The following TTC6 variants were observed in gnomAD, a reference collection of about 807,000 sequenced individuals.
TTC6 encodes the protein tetratricopeptide repeat domain 6, also known as tetratricopeptide repeat protein 6.
TTC6 carries 172 observed loss-of-function variants against 210.4 expected under a neutral mutation model. The observed-to-expected ratio is 0.82, with a 90% CI of 0.72 to 0.93. TTC6 has a LOEUF of 0.93. Among genes scored for constraint, TTC6 ranks in the 40% least tolerant of loss-of-function variants. The pLI, the probability that TTC6 is intolerant of heterozygous loss-of-function variation, is 0.00. For synonymous variants in TTC6, 804 were observed against 819.6 expected, an observed-to-expected ratio of 0.98 and a Z score of 0.32; for missense variants, 2,414 against 2,318.1, an observed-to-expected ratio of 1.04 and a Z score of -0.85.
At chr14:37,740,162 C>G (rs201508453) in intron 10 of TTC6, among the ~76,000 whole-genome samples, 1 of 129,634 alleles carries the variant, frequency 7.7e-6, no homozygotes, top group African/African-American at 2.9e-5. Flanking sequence ...GACTCCGTCT[C>G]AAAAAAAAAA....
chr14:37,691,766 A>G (rs918381111), intron 3 of TTC6, among the ~76,000 whole-genome samples: 11 of 152,108 alleles, frequency 7.2e-5, no homozygotes, highest in Admixed American at 6.5e-4. Context: ...TGGTTTTTTG[A>G]AAAGCTAAAC....
At chr14:37,801,288 A>G (rs2096106018) in intron 20 of TTC6, among the ~76,000 whole-genome samples, 1 of 152,156 alleles carries the variant, frequency 6.6e-6, no homozygotes. Context: ...TTAAATGATG[A>G]AATTTTAGAT....
intron 4 of TTC6, among the ~76,000 whole-genome samples, chr14:37,697,438 C>G (rs1167526344): frequency 6.6e-6 from 1 of 152,096 alleles, no homozygotes; most frequent in Non-Finnish European, 1.5e-5. Context: ...CCTTATTTCA[C>G]CACTAAGTTT....
intron 26 of TTC6, among the ~76,000 whole-genome samples, chr14:37,820,070 T>G (rs2096151962): frequency 6.6e-6 from 1 of 152,238 alleles, no homozygotes; most frequent in Non-Finnish European, 1.5e-5. Flanking sequence ...TTCTGCCACA[T>G]TTTCCCATTG....
exon 11 of TTC6, chr14:37,749,073 T>C (rs1349225433): frequency 5.9e-6 from 9 of 1,535,624 alleles, no homozygotes; most frequent in Non-Finnish European, 7.8e-6. Context: ...AAGGGAGGAA[T>C]TCCAGAAAAT....
chr14:37,652,228 G>A (rs1285844557), intron 1 of TTC6, among the ~76,000 whole-genome samples: 1 of 151,832 alleles, frequency 6.6e-6, no homozygotes, highest in Non-Finnish European at 1.5e-5. Context: ...TGTTTTTATA[G>A]GTAAAAAATG....
At chr14:37,770,899 C>T (rs1307800706) in intron 14 of TTC6, among the ~76,000 whole-genome samples, 13 of 148,448 alleles carry the variant, frequency 8.8e-5, no homozygotes, top group East Asian at 6.0e-4. Flanking sequence ...TTCCTAGTCT[C>T]GATGGTCTTT....
chr14:37,689,853 A>C (rs1039551692), intron 3 of TTC6, among the ~76,000 whole-genome samples: 1 of 152,090 alleles, frequency 6.6e-6, no homozygotes, highest in African/African-American at 2.4e-5. Context: ...AAGCATGATA[A>C]TGAGGAATAA....
chr14:37,634,075 C>G (rs1177881264), intron 1 of TTC6, among the ~76,000 whole-genome samples: 1 of 152,044 alleles, frequency 6.6e-6, no homozygotes, highest in Non-Finnish European at 1.5e-5. Context: ...CTCATTATGC[C>G]AAGATCCAGA....
At chr14:37,615,246 T>C (rs1057198320) in intron 2 of TTC6, among the ~76,000 whole-genome samples, 1 of 152,224 alleles carries the variant, frequency 6.6e-6, no homozygotes, top group Non-Finnish European at 1.5e-5. Context: ...TTTCTTTACA[T>C]TTATTCTGAT....
intron 20 of TTC6, among the ~76,000 whole-genome samples, chr14:37,801,148 A>G (rs1433613907): frequency 2.6e-5 from 4 of 152,116 alleles, no homozygotes; most frequent in Non-Finnish European, 4.4e-5. Context: ...CACCCATTGT[A>G]TGTTGGGTGT....
Position 37,639,603 on chromosome 14 carries a change from G to T in TTC6, c.939+16600G>T, listed in dbSNP as rs538444199. Reference sequence around the variant, plus strand: ...AAATGGAAAGTGACTGGGTGCGGTGGCTCATGCCTGTAATCCCAGCACTTT... The same window carrying T: ...AAATGGAAAGTGACTGGGTGCGGTGTCTCATGCCTGTAATCCCAGCACTTT... On this transcript the variant is annotated intron_variant, in intron 1 of 30. Coordinates refer to ENST00000553443, the Ensembl canonical transcript of TTC6. Among the ~76,000 whole-genome samples, 5 of 151,804 alleles carry T rather than the reference G, an allele frequency of 3.3e-5. No homozygotes were observed. In the South Asian group the frequency reaches 6.2e-4, roughly 19 times the overall value.
chr14:37,657,199 C>A (rs984579329), intron 1 of TTC6, among the ~76,000 whole-genome samples: 1 of 100,562 alleles, frequency 9.9e-6, no homozygotes, highest in Admixed American at 1.5e-4. Context: ...GCAACATGAG[C>A]GAAACTCTGT....
At chr14:37,694,149 C>T (rs2095809930) in intron 3 of TTC6, among the ~76,000 whole-genome samples, 1 of 152,080 alleles carries the variant, frequency 6.6e-6, no homozygotes, top group East Asian at 1.9e-4. Context: ...CCAAAGGATA[C>T]AATCAGTAAA....
chr14:37,610,403 TA>T lies in TTC6; in HGVS notation c.-155+3662del, dbSNP rs1424980746. Reference sequence around the variant, plus strand: ...CTGCCATTCTCCCCACCTCATTTTTTAGTTGCCTGAATTTGGAGAGAGAGGG... The same window carrying T: ...CTGCCATTCTCCCCACCTCATTTTTTGTTGCCTGAATTTGGAGAGAGAGGG... On this transcript the variant is annotated intron_variant, in intron 2 of 2. Coordinates refer to the TTC6 transcript ENST00000556845. 3.9e-5 allele frequency among the ~76,000 whole-genome samples: 6 copies of T among 152,336 alleles called. No homozygotes were observed. In the East Asian group the frequency reaches 1.2e-3, roughly 29 times the overall value.
chr14:37,760,074 AG>A (rs556393936), intron 14 of TTC6, among the ~76,000 whole-genome samples: 65 of 152,260 alleles, frequency 4.3e-4, no homozygotes, highest in Non-Finnish European at 7.2e-4. Flanking sequence ...TTTGGAGAAG[AG>A]GCATTCTGGT....
At position 37,651,603 on chromosome 14, in the gene TTC6, C is replaced by T. The variant is rs184217373; in HGVS notation, c.940-28548C>T. On this transcript the variant is annotated intron_variant, in intron 1 of 30. Transcript: ENST00000553443. ...TATGAAAATAAAAGGAACATTTCTGCACCTAAGTTGTTTAATGTGTCTCAA... is the reference window on the plus strand; with the variant it reads ...TATGAAAATAAAAGGAACATTTCTGTACCTAAGTTGTTTAATGTGTCTCAA... Among the ~76,000 whole-genome samples, 255 of 151,638 alleles carry T rather than the reference C, an allele frequency of 1.7e-3. 6 individuals carry two copies. In the East Asian group the frequency reaches 0.019, roughly 11 times the overall value.
intron 10 of TTC6, among the ~76,000 whole-genome samples, chr14:37,741,756 T>C (rs1245587195): frequency 6.6e-6 from 1 of 152,132 alleles, no homozygotes; most frequent in African/African-American, 2.4e-5. Flanking sequence ...CTGTGGAAAG[T>C]CACTCCTGCA....
At chr14:37,822,343 G>T (rs868494052) in intron 26 of TTC6, among the ~76,000 whole-genome samples, 1 of 152,134 alleles carries the variant, frequency 6.6e-6, no homozygotes, top group Non-Finnish European at 1.5e-5. Context: ...TGAAGGAAGG[G>T]GTAGTTTGGG....
Sources: allele counts gnomAD v4.1 joint callset (sites outside exome capture counted in the v4.1 genomes callset), GRCh38; gene constraint gnomAD v4.1.1; transcripts MANE v1.5; gene names NCBI Gene and HGNC (gene_info 2026-07-23, HGNC 2026-07-21).